Variants in GLRB observed in about 807,000 individuals in gnomAD.
GLRB encodes the protein glycine receptor beta.
A neutral mutation model predicts 54.2 loss-of-function variants in GLRB; 33 were observed. That is an observed-to-expected ratio of 0.61 (90% CI 0.46 to 0.81). The LOEUF is 0.81. GLRB is among the 40% of genes least tolerant of loss of function. The pLI, the probability that GLRB is intolerant of heterozygous loss-of-function variation, is 0.00. For synonymous variants in GLRB, 209 were observed against 208.2 expected, an observed-to-expected ratio of 1.00 and a Z score of -0.03; for missense variants, 572 against 584.6, an observed-to-expected ratio of 0.98 and a Z score of 0.22.
chr4:157,153,135 T>G, intron 9 of GLRB, 125 bp downstream of exon 9: 1 of 877,638 alleles, frequency 1.1e-6, no homozygotes, highest in Admixed American at 1.9e-5. Flanking sequence ...CTCTCACAGA[T>G]GAAAACAAAC....
intron 2 of GLRB, among the ~76,000 whole-genome samples, chr4:157,115,513 T>G (rs1735578662): frequency 2.0e-5 from 3 of 151,820 alleles, no homozygotes; most frequent in Non-Finnish European, 4.4e-5. Flanking sequence ...TTATGTTTTC[T>G]TGTATCTTGC....
chr4:157,085,746 C>T (rs1734387214), intron 2 of GLRB, among the ~76,000 whole-genome samples: 1 of 151,918 alleles, frequency 6.6e-6, no homozygotes, highest in African/African-American at 2.4e-5. Flanking sequence ...ATCCACCCAC[C>T]TCGGCCTCCC....
At chr4:157,076,473 C>T (rs552823651) in intron 1 of GLRB, 176 bp downstream of exon 1, 1 of 150,990 alleles carries the variant, frequency 6.6e-6, no homozygotes, top group South Asian at 2.1e-4. Context: ...GGGAGAGGGG[C>T]GCGGGGCGCC....
rs984685792 is a variant in GLRB, at chr4:157,120,601, T to G, written c.168T>G (p.Thr56=). The change falls in exon 3 of 10, where the codon ACT becomes ACG. Residue 56 remains threonine (T), a synonymous_variant. Transcript: ENST00000264428. ...TTGCCCGAGTACCTGCCAACTCCACTAGCAATATCTTGAACAGGTTATTGG... is the reference window on the plus strand; with the variant it reads ...TTGCCCGAGTACCTGCCAACTCCACGAGCAATATCTTGAACAGGTTATTGG... The part of the protein sequence containing the change: ...EDLARVPANS[T]SNILNRLLVS... 1.2e-6 allele frequency: 2 copies of G among 1,602,136 alleles called. No individual in the cohort carries two copies. Among genetic ancestry groups the G allele is most frequent in the Non-Finnish European group, 1.7e-6 (2 of 1,171,342 alleles).
chr4:157,127,521 A>C (rs1265533603), intron 4 of GLRB, among the ~76,000 whole-genome samples: 2 of 151,862 alleles, frequency 1.3e-5, no homozygotes, highest in African/African-American at 4.8e-5. Flanking sequence ...ATCCTTTTCA[A>C]ACCTGTGGAT....
chr4:157,125,689 C>T (rs1415405480), intron 4 of GLRB, among the ~76,000 whole-genome samples: 2 of 151,652 alleles, frequency 1.3e-5, no homozygotes, highest in African/African-American at 4.8e-5. Flanking sequence ...ATCCTAGCAA[C>T]TTGGGAAGCT....
At chr4:157,085,321 G>A (rs186612339) in intron 2 of GLRB, among the ~76,000 whole-genome samples, 106 of 151,702 alleles carry the variant, frequency 7.0e-4, no homozygotes, top group African/African-American at 2.0e-3. Context: ...GCTAACTGCC[G>A]CCTCCAACTC....
chr4:157,153,156 A>G, intron 9 of GLRB, 146 bp downstream of exon 9: 1 of 777,322 alleles, frequency 1.3e-6, no homozygotes, highest in Non-Finnish European at 2.2e-6. Context: ...TGAGCACAAC[A>G]CAATTTTTGG....
intron 9 of GLRB, among the ~76,000 whole-genome samples, chr4:157,154,414 T>A (rs2126606236): frequency 6.7e-6 from 1 of 149,882 alleles, no homozygotes; most frequent in African/African-American, 2.5e-5. Flanking sequence ...TTTCTCTATC[T>A]TCTTTTTCCT....
chr4:157,108,088 A>G (rs1012325494), intron 2 of GLRB, among the ~76,000 whole-genome samples: 1 of 152,084 alleles, frequency 6.6e-6, no homozygotes, highest in Non-Finnish European at 1.5e-5. Context: ...ACCACTCAGG[A>G]AAAAAGACTC....
chr4:157,099,797 T>A (rs936464962), intron 2 of GLRB, among the ~76,000 whole-genome samples: 5 of 152,344 alleles, frequency 3.3e-5, no homozygotes, highest in African/African-American at 1.2e-4. Context: ...CGAGTCTCAG[T>A]TGTTCCACTT....
chr4:157,143,790 G>A lies in GLRB; in HGVS notation c.752-17G>A. The A allele has an allele frequency of 6.2e-7, 1 of 1,610,428 alleles. No individual in the cohort carries two copies. The highest frequency in any genetic ancestry group is 2.2e-5 in the East Asian group (1 of 44,734). The stretch of plus-strand genomic sequence containing the variant: ...TGGGTGAAAACCTCATGCCTTGAAT[G>A]TGTTTGCTTCTGAAAGGCTACTACA... On this transcript the variant is annotated splice_polypyrimidine_tract_variant and intron_variant, in intron 7 of 9. Transcript: ENST00000264428.
In GLRB at chr4:157,136,312, C is replaced by G. The variant is rs927468588; in HGVS notation, c.298-157C>G. 1.1e-5 allele frequency: 7 copies of G among 631,546 alleles called. No individual in the cohort carries two copies. The African/African-American group carries it at 1.3e-4, about 12-fold the overall frequency. 39.1% of individuals were successfully genotyped at this position (631,546 alleles called of 1,614,324 possible). Reference sequence around the variant, plus strand: ...GTGTCTTTATACTGCTAATGGAGCTCTCCTTTAGTGACACAGTTGTTGTGA... The same window carrying G: ...GTGTCTTTATACTGCTAATGGAGCTGTCCTTTAGTGACACAGTTGTTGTGA... On this transcript the variant is annotated intron_variant, in intron 4 of 9. Coordinates refer to ENST00000264428, the MANE Select transcript of GLRB (RefSeq NM_000824.5).
intron 1 of GLRB, among the ~76,000 whole-genome samples, chr4:157,077,476 T>A (rs1263246779): frequency 6.6e-6 from 1 of 152,114 alleles, no homozygotes; most frequent in Non-Finnish European, 1.5e-5. Flanking sequence ...TTTTCTTTTA[T>A]CTGTCTTTTT....
intron 9 of GLRB, among the ~76,000 whole-genome samples, chr4:157,164,529 A>T (rs900790819): frequency 1.3e-5 from 2 of 152,172 alleles, no homozygotes; most frequent in African/African-American, 4.8e-5. Flanking sequence ...CAGGTGCTTG[A>T]TTCCTGGTAA....
At chr4:157,132,552 C>A (rs1028832295) in intron 4 of GLRB, among the ~76,000 whole-genome samples, 5 of 151,710 alleles carry the variant, frequency 3.3e-5, no homozygotes, top group African/African-American at 1.2e-4. Flanking sequence ...CTTTCCTGAT[C>A]GCTGGTGTCT....
chr4:157,082,141 C>T (rs766309864), intron 2 of GLRB, among the ~76,000 whole-genome samples: 3 of 152,118 alleles, frequency 2.0e-5, no homozygotes, highest in African/African-American at 4.8e-5. Flanking sequence ...GTGTATACAG[C>T]CCGTACCTCT....
At chr4:157,084,606 A>G (rs1392366754) in intron 2 of GLRB, 18 of 456,198 alleles carry the variant, frequency 3.9e-5, no homozygotes, top group Non-Finnish European at 7.1e-5. Context: ...TAAACTAAAA[A>G]TTGTGTGTGC....
intron 8 of GLRB, among the ~76,000 whole-genome samples, chr4:157,148,807 A>G (rs1180885164): frequency 1.3e-5 from 2 of 151,008 alleles, no homozygotes; most frequent in African/African-American, 4.9e-5. Flanking sequence ...AGTGTGTATT[A>G]GTCATTGTTT....
Sources: allele counts gnomAD v4.1 joint callset (sites outside exome capture counted in the v4.1 genomes callset), GRCh38; gene constraint gnomAD v4.1.1; transcripts MANE v1.5; gene names NCBI Gene and HGNC (gene_info 2026-07-23, HGNC 2026-07-21).